The following GOSR2 variants were observed in gnomAD, a reference collection of about 807,000 sequenced individuals.
GOSR2 encodes 27 kDa Golgi SNARE protein.
GOSR2 carries 20 observed loss-of-function variants against 27.9 expected under a neutral mutation model. The observed-to-expected ratio is 0.72, with a 90% CI of 0.50 to 1.04. GOSR2 has a LOEUF of 1.04. Among genes scored for constraint, GOSR2 ranks in the 50% least tolerant of loss-of-function variants. GOSR2 has a pLI of 0.00. For missense variants in GOSR2, 261 were observed against 270.5 expected (o/e 0.97, Z 0.25); for synonymous variants, 91 against 98.8 (o/e 0.92, Z 0.47).
intron 6 of GOSR2, among the ~76,000 whole-genome samples, chr17:46,960,767 T>C (rs986862056): frequency 2.0e-5 from 3 of 152,208 alleles, no homozygotes; most frequent in African/African-American, 7.2e-5. Flanking sequence ...GGCAGCTTAT[T>C]GGGTGATTCC....
chr17:46,941,955 T>C lies in GOSR2; in HGVS notation c.*3195T>C. On this transcript the variant is annotated 3_prime_UTR_variant, in exon 6 of 6. Coordinates refer to ENST00000640051, the MANE Select transcript of GOSR2 (RefSeq NM_004287.5). ...AGACAGAAAGCTTCTGTCTCAAAGA[T>C]GATCACATTGGTGTAAAGAGCAAAA... 1 of 985,236 alleles carries C rather than the reference T, an allele frequency of 1.0e-6. No individual in the cohort carries two copies. The allele number at this position is 985,236 out of a possible 1,614,324, so 61.0% of individuals were successfully genotyped here.
intron 1 of GOSR2, chr17:46,923,592 C>T (rs1367630205): frequency 4.7e-6 from 6 of 1,282,272 alleles, no homozygotes; most frequent in East Asian, 5.9e-5. Context: ...GGAGACACGG[C>T]CCCTGGCCGT....
chr17:46,933,087 C>G (rs2087651123), intron 4 of GOSR2: 1 of 152,294 alleles, frequency 6.6e-6, no homozygotes, highest in East Asian at 1.9e-4. Flanking sequence ...TTTAACAGTT[C>G]AAAAATTTAA....
At chr17:46,967,933 A>G (rs2091352368), downstream of GOSR2, among the ~76,000 whole-genome samples, 2 of 152,230 alleles carry the variant, frequency 1.3e-5, no homozygotes, top group Admixed American at 6.5e-5. Context: ...CTGTGAACAC[A>G]GAATCCGACA....
At chr17:46,929,482 C>G (rs764335189) in intron 1 of GOSR2, 38 bp from the exon 2 acceptor site, 2 of 1,066,414 alleles carry the variant, frequency 1.9e-6, no homozygotes, top group Non-Finnish European at 2.9e-6. Flanking sequence ...CTGTTGATTA[C>G]TCCTGTCTCA....
intron 6 of GOSR2, among the ~76,000 whole-genome samples, chr17:46,952,202 T>C (rs1400930880): frequency 6.6e-6 from 1 of 152,210 alleles, no homozygotes; most frequent in Non-Finnish European, 1.5e-5. Flanking sequence ...GGTGCCATTG[T>C]CTCTCCTTCC....
At chr17:46,938,553 A>G (rs776016124) in intron 5 of GOSR2, 46 bp from the exon 6 acceptor site, 2 of 1,612,664 alleles carry the variant, frequency 1.2e-6, no homozygotes, top group Non-Finnish European at 1.7e-6. Context: ...CACTCTTGGT[A>G]AAGCGACTTG....
rs758711013 is a variant in GOSR2, at chr17:46,935,019, T to C, written c.337-10T>C. On this transcript the variant is annotated splice_polypyrimidine_tract_variant and intron_variant, in intron 4 of 5. Transcript: ENST00000640051. Reference sequence around the variant, plus strand: ...GCAAAGTTAATCAAGTGCCTGTGTTTCTTTCACAGGACTCTGACACCACCA... The same window carrying C: ...GCAAAGTTAATCAAGTGCCTGTGTTCCTTTCACAGGACTCTGACACCACCA... 2.7e-5 allele frequency: 44 copies of C among 1,611,456 alleles called. No homozygotes were observed.
intron 6 of GOSR2, among the ~76,000 whole-genome samples, chr17:46,959,222 A>C (rs1245636692): frequency 3.3e-5 from 5 of 152,222 alleles, no homozygotes; most frequent in Non-Finnish European, 5.9e-5. Context: ...GGACAGACTG[A>C]CTGTGAGCTC....
intron 6 of GOSR2, among the ~76,000 whole-genome samples, chr17:46,961,705 A>C (rs1301497271): frequency 6.6e-6 from 1 of 152,238 alleles, no homozygotes; most frequent in Non-Finnish European, 1.5e-5. Context: ...CCTAAAATAT[A>C]ACGACATAGA....
At chr17:46,967,768 A>G (rs1033697402), downstream of GOSR2, among the ~76,000 whole-genome samples, 5 of 152,158 alleles carry the variant, frequency 3.3e-5, no homozygotes, top group East Asian at 1.9e-4. Flanking sequence ...GAGAAGCAAC[A>G]TGGTGCCACC....
intron 1 of GOSR2, among the ~76,000 whole-genome samples, chr17:46,926,807 A>G (rs1182182829): frequency 1.3e-5 from 2 of 152,200 alleles, no homozygotes; most frequent in African/African-American, 2.4e-5. Context: ...GTTCAAAGCA[A>G]ATAGAGATTT....
chr17:46,961,242 A>G (rs2091031687), intron 6 of GOSR2, among the ~76,000 whole-genome samples: 1 of 152,214 alleles, frequency 6.6e-6, no homozygotes, highest in Non-Finnish European at 1.5e-5. Context: ...TCAAACTAGT[A>G]GAGACTATGA....
intron 5 of GOSR2, chr17:46,936,572 T>C: frequency 3.0e-6 from 3 of 985,464 alleles, no homozygotes; most frequent in Non-Finnish European, 3.6e-6. Context: ...AAAAGGAACA[T>C]AGGAGAGGGC....
intron 2 of GOSR2, 22 bp from the exon 3 acceptor site, chr17:46,931,077 T>C (rs1293104394): frequency 1.6e-6 from 2 of 1,213,076 alleles, no homozygotes; most frequent in Admixed American, 1.7e-5. Context: ...CCAGCAATTA[T>C]TCTTTTTTCT....
At chr17:46,926,446 A>G (rs1954726878) in intron 1 of GOSR2, among the ~76,000 whole-genome samples, 1 of 152,184 alleles carries the variant, frequency 6.6e-6, no homozygotes, top group South Asian at 2.1e-4. Context: ...GATCTTCTGT[A>G]AACCTTTTTT....
downstream of GOSR2, among the ~76,000 whole-genome samples, chr17:46,970,017 A>G (rs1374105282): frequency 6.6e-6 from 1 of 152,190 alleles, no homozygotes; most frequent in Non-Finnish European, 1.5e-5. Flanking sequence ...CTAGCTGACT[A>G]CAGCTAACCT....
At chr17:46,974,550 C>T (rs1454977831) in intron 6 of GOSR2, among the ~76,000 whole-genome samples, 7 of 152,158 alleles carry the variant, frequency 4.6e-5, no homozygotes, top group South Asian at 4.1e-4. Flanking sequence ...CTGGCTAACA[C>T]GGTGAAACCC....
At chr17:46,953,004 C>G (rs1341346777) in intron 6 of GOSR2, among the ~76,000 whole-genome samples, 1 of 152,026 alleles carries the variant, frequency 6.6e-6, no homozygotes, top group Non-Finnish European at 1.5e-5. Context: ...CTGAGCCCCC[C>G]AAATTCTTTT....
Sources: gnomAD v4.1 joint callset for allele counts (sites outside exome capture counted in the v4.1 genomes callset) on GRCh38, gnomAD v4.1.1 for gene constraint, MANE v1.5 for transcripts, NCBI Gene and HGNC (gene_info 2026-07-23, HGNC 2026-07-21) for gene names.